The following CERT1 variants were observed in gnomAD, a reference collection of about 807,000 sequenced individuals.
CERT1 encodes ceramide transporter 1.
In CERT1, 31 loss-of-function variants were observed where a neutral mutation model predicts 87.9. The ratio of observed to expected loss-of-function variants is 0.35; its 90% CI spans 0.27 to 0.48. The LOEUF (loss-of-function observed/expected upper bound fraction) is 0.48. Among genes scored for constraint, CERT1 ranks in the 20% least tolerant of loss-of-function variants. CERT1 has a pLI of 0.99. For synonymous variants in CERT1, 289 were observed against 250.9 expected, an observed-to-expected ratio of 1.15 and a Z score of -1.44; for missense variants, 487 against 758.0, an observed-to-expected ratio of 0.64 and a Z score of 4.20.
intron 2 of CERT1, among the ~76,000 whole-genome samples, chr5:75,470,037 A>G (rs1443731412): frequency 6.6e-6 from 1 of 152,186 alleles, no homozygotes; most frequent in African/African-American, 2.4e-5. Flanking sequence ...TGCATCCAAC[A>G]CTGGAACACC....
chr5:75,461,892 G>A (rs1765249233), intron 2 of CERT1, among the ~76,000 whole-genome samples: 1 of 151,258 alleles, frequency 6.6e-6, no homozygotes, highest in Non-Finnish European at 1.5e-5. Flanking sequence ...TTAAGAGGAT[G>A]TATTATGCAA....
At chr5:75,490,507 ATT>A (rs374291367) in intron 2 of CERT1, among the ~76,000 whole-genome samples, 1 of 150,254 alleles carries the variant, frequency 6.7e-6, no homozygotes, top group Non-Finnish European at 1.5e-5. Flanking sequence ...TTATTTATTT[ATT>A]TTTTTTTGAG....
At chr5:75,453,664 T>A (rs184868857) in intron 3 of CERT1, among the ~76,000 whole-genome samples, 1 of 152,062 alleles carries the variant, frequency 6.6e-6, no homozygotes, top group African/African-American at 2.4e-5. Context: ...GCTAATCTCA[T>A]GAAAGTGAGG....
Position 75,382,074 on chromosome 5 carries a change from C to A in CERT1, c.1492G>T (p.Val498Leu), listed in dbSNP as rs779820104. 3 of 1,612,576 alleles carry A rather than the reference C, an allele frequency of 1.9e-6. No homozygotes were observed. Among genetic ancestry groups the A allele is most frequent in the East Asian group, 2.2e-5 (1 of 44,836 alleles). ...ACGTCTCGCTGAGAAGCAGGCCACACCCTCTGTGGAGAAGTAAAAATCTTT... is the reference window on the plus strand; with the variant it reads ...ACGTCTCGCTGAGAAGCAGGCCACAACCTCTGTGGAGAAGTAAAAATCTTT... ...AIIIYQTHKR[V>L]WPASQRDVLY... The change falls in exon 15 of 17, where the codon GTG (valine) becomes TTG (leucine). Residue 498 changes from valine to leucine, a missense_variant. This residue lies in a region of CERT1 where 147 missense variants were observed against 200.8 expected (regional missense o/e 0.73). Coordinates refer to ENST00000643780, the MANE Select transcript of CERT1 (RefSeq NM_001379029.1).
At chr5:75,485,150 A>G (rs1370123688) in intron 2 of CERT1, among the ~76,000 whole-genome samples, 1 of 152,086 alleles carries the variant, frequency 6.6e-6, no homozygotes, top group Non-Finnish European at 1.5e-5. Flanking sequence ...GAAACAAATG[A>G]AAGTGGAAAT....
At chr5:75,394,377 G>A (rs1173486407) in intron 11 of CERT1, among the ~76,000 whole-genome samples, 1 of 152,074 alleles carries the variant, frequency 6.6e-6, no homozygotes, top group Non-Finnish European at 1.5e-5. Flanking sequence ...AAAATTAGCT[G>A]AGAGTGGTGG....
chr5:75,439,207 CAA>C (rs1448033270), intron 3 of CERT1, among the ~76,000 whole-genome samples: 2 of 140,260 alleles, frequency 1.4e-5, no homozygotes. Flanking sequence ...CTGAATTGAA[CAA>C]AAAAAAAAAG....
intron 6 of CERT1, 148 bp from the exon 7 acceptor site, chr5:75,417,181 C>T: frequency 1.6e-6 from 1 of 608,714 alleles, no homozygotes; most frequent in Non-Finnish European, 2.8e-6. Context: ...TTAAAAATCT[C>T]CTATCCAAGC....
chr5:75,402,131 G>GTTT, intron 9 of CERT1: 1 of 152,286 alleles, frequency 6.6e-6, no homozygotes, highest in Middle Eastern at 3.4e-3. Context: ...GCAGCTGGGT[G>GTTT]TAACTGCTAT....
intron 3 of CERT1, among the ~76,000 whole-genome samples, chr5:75,451,666 T>G (rs1225569474): frequency 6.6e-6 from 1 of 152,202 alleles, no homozygotes; most frequent in Admixed American, 6.5e-5. Context: ...CCAATATTGA[T>G]TTTAAATGGC....
At chr5:75,422,068 T>A (rs1161556231) in intron 5 of CERT1, among the ~76,000 whole-genome samples, 1 of 152,176 alleles carries the variant, frequency 6.6e-6, no homozygotes. Flanking sequence ...ATTATCTACC[T>A]ATCAAGGAAC....
chr5:75,450,002 C>T (rs1764712063), intron 3 of CERT1, among the ~76,000 whole-genome samples: 1 of 152,174 alleles, frequency 6.6e-6, no homozygotes, highest in Non-Finnish European at 1.5e-5. Flanking sequence ...TAAATATCTT[C>T]TTTCTTCACT....
chr5:75,511,614 G>T lies in CERT1; in HGVS notation c.-407C>A. 1 of 1,474,294 alleles carries T rather than the reference G, an allele frequency of 6.8e-7. No individual in the cohort carries two copies. Among genetic ancestry groups the T allele is most frequent in the South Asian group, 1.4e-5 (1 of 73,220 alleles). The allele number at this position is 1,474,294 out of a possible 1,614,324, so 91.3% of individuals were successfully genotyped here. A position where few individuals can be genotyped will look rare whatever the true frequency, so the allele number is the denominator to read the frequency against. ...CCTCCGCTACCGCCGCCATCTTCCT[G>T]CCTGGCCCACTATTTACCCTCCCCT... On this transcript the variant is annotated 5_prime_UTR_variant, in exon 1 of 17. Transcript: ENST00000643780.
intron 13 of CERT1, among the ~76,000 whole-genome samples, chr5:75,385,529 G>A (rs1219142928): frequency 2.6e-5 from 4 of 152,140 alleles, no homozygotes; most frequent in East Asian, 1.9e-4. Flanking sequence ...GATTTACCAC[G>A]GAAACAGTTT....
At chr5:75,469,728 A>C (rs1481124194) in intron 2 of CERT1, among the ~76,000 whole-genome samples, 1 of 152,146 alleles carries the variant, frequency 6.6e-6, no homozygotes, top group Non-Finnish European at 1.5e-5. Flanking sequence ...TTATCTATCA[A>C]TACATAAATG....
At chr5:75,449,710 T>C (rs1764700765) in intron 3 of CERT1, among the ~76,000 whole-genome samples, 1 of 152,010 alleles carries the variant, frequency 6.6e-6, no homozygotes, top group Non-Finnish European at 1.5e-5. Context: ...TGGTGGTGTT[T>C]TTTTTTTTAA....
In CERT1 at chr5:75,413,856, A is replaced by G. The variant is rs1229423337; in HGVS notation, c.838-2753T>C. On this transcript the variant is annotated intron_variant, in intron 7 of 16. Coordinates refer to ENST00000643780, the MANE Select transcript of CERT1 (RefSeq NM_001379029.1). Reference sequence around the variant, plus strand: ...CTTTGGAAAATCATCAGTATCCACTAAAGTTAAGCATATACCCCTATGAAT... The same window carrying G: ...CTTTGGAAAATCATCAGTATCCACTGAAGTTAAGCATATACCCCTATGAAT... Among the ~76,000 whole-genome samples, 5 of 152,226 alleles carry G rather than the reference A, an allele frequency of 3.3e-5. No individual in the cohort carries two copies. The East Asian group carries it at 7.7e-4, about 23-fold the overall frequency.
chr5:75,380,466 G>A (rs958278188), intron 16 of CERT1, among the ~76,000 whole-genome samples: 4 of 152,046 alleles, frequency 2.6e-5, no homozygotes, highest in African/African-American at 9.7e-5. Context: ...TCTGTTCTAT[G>A]AGGCAAATAT....
chr5:75,476,715 C>A (rs1403334846), intron 2 of CERT1, among the ~76,000 whole-genome samples: 1 of 152,174 alleles, frequency 6.6e-6, no homozygotes, highest in Admixed American at 6.5e-5. Context: ...TCAAAACCAT[C>A]AGAACTGGAT....
Sources: gnomAD v4.1 joint callset for allele counts (sites outside exome capture counted in the v4.1 genomes callset) on GRCh38, gnomAD v4.1.1 for gene constraint, gnomAD v4.1.1 regional missense constraint, MANE v1.5 for transcripts, NCBI Gene and HGNC (gene_info 2026-07-23, HGNC 2026-07-21) for gene names.